PRDM10: variants seen among roughly 807,000 people sequenced by gnomAD.
PRDM10 encodes the protein PR domain zinc finger protein 10.
PRDM10 carries 65 observed loss-of-function variants against 133.1 expected under a neutral mutation model. The observed-to-expected ratio is 0.49, with a 90% CI of 0.40 to 0.60. The LOEUF (loss-of-function observed/expected upper bound fraction) is 0.60. Among genes scored for constraint, PRDM10 ranks in the 20% least tolerant of loss-of-function variants. PRDM10 has a pLI of 0.00. For synonymous variants in PRDM10, 582 were observed against 580.4 expected, an observed-to-expected ratio of 1.00 and a Z score of -0.04; for missense variants, 1,137 against 1,507.1, an observed-to-expected ratio of 0.75 and a Z score of 4.07.
intron 1 of PRDM10, among the ~76,000 whole-genome samples, chr11:129,986,509 CA>C (rs1210619116): frequency 6.6e-6 from 1 of 152,176 alleles, no homozygotes; most frequent in Non-Finnish European, 1.5e-5. Context: ...ACCTCAGAAA[CA>C]CGAGTAGCTG....
At chr11:129,998,050 TC>T (rs1939152529) in intron 1 of PRDM10, among the ~76,000 whole-genome samples, 1 of 152,232 alleles carries the variant, frequency 6.6e-6, no homozygotes, top group Non-Finnish European at 1.5e-5. Flanking sequence ...TTTAAAATGT[TC>T]TAGTATACAT....
At chr11:129,984,438 ACT>A (rs1418299614) in intron 1 of PRDM10, among the ~76,000 whole-genome samples, 1 of 151,936 alleles carries the variant, frequency 6.6e-6, no homozygotes, top group Non-Finnish European at 1.5e-5. Flanking sequence ...ATGCACTGAG[ACT>A]CTGCAGCACA....
At chr11:129,944,396 C>CATCCTGGCTAAT (rs1324954981) in intron 6 of PRDM10, among the ~76,000 whole-genome samples, 2 of 151,162 alleles carry the variant, frequency 1.3e-5, no homozygotes, top group Non-Finnish European at 2.9e-5. Flanking sequence ...AGATCGAGAC[C>CATCCTGGCTAAT]ACGGTGAAAC....
intron 7 of PRDM10, among the ~76,000 whole-genome samples, chr11:129,938,115 T>C (rs975327101): frequency 6.6e-6 from 1 of 152,082 alleles, no homozygotes; most frequent in Admixed American, 6.5e-5. Context: ...GCTCACTCTG[T>C]TGGCCTCTTT....
chr11:129,951,102 A>G (rs146339985), intron 4 of PRDM10, among the ~76,000 whole-genome samples: 12 of 152,374 alleles, frequency 7.9e-5, no homozygotes, highest in African/African-American at 2.9e-4. Context: ...ATTTCTAGAT[A>G]AGAACTGTAC....
intron 11 of PRDM10, among the ~76,000 whole-genome samples, chr11:129,928,271 T>C (rs1201240942): frequency 6.6e-6 from 1 of 152,082 alleles, no homozygotes; most frequent in Non-Finnish European, 1.5e-5. Context: ...CACGCCTGAC[T>C]AAAATGTTTC....
chr11:129,960,811 G>A, intron 2 of PRDM10, 85 bp downstream of exon 2: 1 of 1,398,244 alleles, frequency 7.2e-7, no homozygotes, highest in Non-Finnish European at 1.0e-6. Flanking sequence ...GTCACTACTA[G>A]ATAGCAGCTG....
intron 11 of PRDM10, among the ~76,000 whole-genome samples, chr11:129,927,176 CAAAAAAAAAAAAAAAAAAAAAAAA>C (rs57015735): frequency 2.8e-4 from 22 of 79,374 alleles, no homozygotes; most frequent in African/African-American, 4.3e-4. Flanking sequence ...GACTCTGTCT[CAAAAAAAAAAAAAAAAAAAAAAAA>C]AAAAAAAAAA....
chr11:129,953,874 T>G (rs1007063722), intron 4 of PRDM10, among the ~76,000 whole-genome samples: 3 of 136,036 alleles, frequency 2.2e-5, no homozygotes, highest in Non-Finnish European at 3.2e-5. Context: ...AAATAATAAA[T>G]GAAGTATATA....
chr11:129,994,224 A>T (rs1283193349), intron 1 of PRDM10, among the ~76,000 whole-genome samples: 1 of 104,932 alleles, frequency 9.5e-6, no homozygotes, highest in Non-Finnish European at 1.7e-5. Context: ...TAATCCCAGC[A>T]CTTTGGGAGG....
intron 1 of PRDM10, among the ~76,000 whole-genome samples, chr11:129,999,486 T>C (rs1242804129): frequency 6.6e-6 from 1 of 152,188 alleles, no homozygotes; most frequent in African/African-American, 2.4e-5. Context: ...CTACACTATC[T>C]GGGGTGGGAT....
chr11:129,998,128 CA>C, intron 1 of PRDM10, among the ~76,000 whole-genome samples: 1 of 152,266 alleles, frequency 6.6e-6, no homozygotes, highest in South Asian at 2.1e-4. Context: ...GTCTATTCAA[CA>C]TATTGTCATT....
chr11:129,998,879 G>A (rs1262012266), intron 1 of PRDM10, among the ~76,000 whole-genome samples: 1 of 150,302 alleles, frequency 6.7e-6, no homozygotes, highest in African/African-American at 2.5e-5. Flanking sequence ...CTGGAGTGCA[G>A]TGGCGTGATC....
At chr11:129,906,337 T>G (rs1327178157) in intron 19 of PRDM10, among the ~76,000 whole-genome samples, 1 of 152,156 alleles carries the variant, frequency 6.6e-6, no homozygotes, top group Non-Finnish European at 1.5e-5. Context: ...CGAAAGGCTA[T>G]CGAGGCATGT....
intron 17 of PRDM10, among the ~76,000 whole-genome samples, 159 bp from the exon 18 acceptor site, chr11:129,912,384 C>T (rs551978888): frequency 2.6e-5 from 4 of 152,280 alleles, no homozygotes; most frequent in Non-Finnish European, 5.9e-5. Context: ...GCGGGTGTAT[C>T]GCTTGAGCCC....
Position 129,914,809 on chromosome 11 carries a change from C to T in PRDM10, c.2736G>A (p.Thr912=), listed in dbSNP as rs147190509. 1.6e-4 allele frequency: 261 copies of T among 1,614,144 alleles called. 1 individual carries two copies. In the African/African-American group the frequency reaches 2.8e-3, roughly 17 times the overall value. Residue 912 remains threonine, a synonymous_variant, in exon 17 of 21, where the codon ACG becomes ACA. Coordinates refer to ENST00000360871, the MANE Select transcript of PRDM10 (RefSeq NM_199437.2). ...LSQTLTTDYR[T]PQGDYQRIQY... ...GAATTCTCTGGTAATCCCCTTGTGG[C>T]GTTCGGTAGTCTGTCGTTAAGGTCT...
rs548794188 is a variant in PRDM10 at position 129,994,626 on chromosome 11, TA to T, written c.-119+8095del. ...TGTCTCTAAAAAAATTAAAAAATAT[TA>T]AAAAGTTAACATAAAATTTCTTTTT... On this transcript the variant is annotated intron_variant, in intron 1 of 20. Coordinates refer to ENST00000360871, the MANE Select transcript of PRDM10 (RefSeq NM_199437.2). Among the ~76,000 whole-genome samples, 77 of 152,156 alleles carry T rather than the reference TA, an allele frequency of 5.1e-4. No homozygotes were observed. In the East Asian group the frequency reaches 0.014, roughly 27 times the overall value.
chr11:129,957,180 C>T (rs1358200317), intron 3 of PRDM10, among the ~76,000 whole-genome samples: 2 of 152,180 alleles, frequency 1.3e-5, no homozygotes, highest in South Asian at 2.1e-4. Context: ...GTTCTTGATA[C>T]TTAGGAATAA....
In PRDM10 at chr11:129,944,756, TAG is replaced by T. The variant is rs1565485323; in HGVS notation, c.762+13_762+14del. The T allele has an allele frequency of 6.2e-7, 1 of 1,613,630 alleles. No homozygotes were observed. Among genetic ancestry groups the T allele is most frequent in the African/African-American group, 1.3e-5 (1 of 74,994 alleles). ...GGTAAAGGACAGGAGTGAAGTGTGA[TAG>T]AGCATAAATTACCTTGAGGTGAATG... is the stretch of plus-strand genomic sequence containing the variant. On this transcript the variant is annotated intron_variant, in intron 6 of 20. Transcript: ENST00000360871.
Sources: allele counts gnomAD v4.1 joint callset (sites outside exome capture counted in the v4.1 genomes callset), GRCh38; gene constraint gnomAD v4.1.1; transcripts MANE v1.5; gene names NCBI Gene and HGNC (gene_info 2026-07-23, HGNC 2026-07-21).